The following CACNB2 variants were observed in gnomAD, a reference collection of about 807,000 sequenced individuals.
CACNB2 encodes calcium voltage-gated channel auxiliary subunit beta 2, also known as voltage-dependent L-type calcium channel subunit beta-2.
Under a neutral mutation model 73.3 loss-of-function variants are expected in CACNB2, and 42 were observed. That is an observed-to-expected ratio of 0.57 (90% CI 0.45 to 0.74). The LOEUF is 0.74. Among genes scored for constraint, CACNB2 ranks in the 30% least tolerant of loss-of-function variants. The pLI is 0.00. For synonymous variants in CACNB2, 348 were observed against 310.3 expected (o/e 1.12, Z -1.28); for missense variants, 940 against 853.0 (o/e 1.10, Z -1.27).
chr10:18,242,843 C>G (rs1412812488), intron 2 of CACNB2, among the ~76,000 whole-genome samples: 1 of 137,178 alleles, frequency 7.3e-6, no homozygotes, highest in Non-Finnish European at 1.6e-5. Context: ...AAAAAAAAAC[C>G]AAAAAAACAA....
intron 9 of CACNB2, among the ~76,000 whole-genome samples, chr10:18,521,276 C>A (rs1490900630): frequency 6.6e-6 from 1 of 152,236 alleles, no homozygotes; most frequent in Admixed American, 6.5e-5. Flanking sequence ...AGGACATCCA[C>A]ACCTGGAAGA....
At chr10:18,381,719 T>C (rs2043027759) in intron 2 of CACNB2, among the ~76,000 whole-genome samples, 2 of 151,158 alleles carry the variant, frequency 1.3e-5, no homozygotes, top group Admixed American at 6.6e-5. Flanking sequence ...TTCATTTTAA[T>C]GTAACTTAGT....
rs756678637 is a variant in CACNB2 at position 18,150,853 on chromosome 10, G to GTATTTTTTTTTTTTTTTTT, written c.121-29_121-28insATTTTTTTTTTTTTTTTTT. 7 of 655,474 alleles carry GTATTTTTTTTTTTTTTTTT rather than the reference G, an allele frequency of 1.1e-5. 1 individual carries two copies. The African/African-American group carries it at 1.3e-4, about 12-fold the overall frequency. The allele number at this position is 655,474 out of a possible 1,614,324, so 40.6% of individuals were successfully genotyped here. On this transcript the variant is annotated intron_variant, in intron 1 of 13. Transcript: ENST00000324631. ...AAAGGGTCTCATAATAATCTTATTT[G>GTATTTTTTTTTTTTTTTTT]TCTTTTTTTTTTTTTTTTTTTTTTT...
intron 2 of CACNB2, among the ~76,000 whole-genome samples, chr10:18,257,936 G>T (rs900327608): frequency 6.6e-6 from 1 of 152,118 alleles, no homozygotes; most frequent in African/African-American, 2.4e-5. Flanking sequence ...TAGAGACGAG[G>T]TTTCGTCATG....
At chr10:18,394,352 GC>G (rs1363546173) in intron 2 of CACNB2, among the ~76,000 whole-genome samples, 3 of 152,148 alleles carry the variant, frequency 2.0e-5, no homozygotes, top group East Asian at 1.9e-4. Context: ...CTATCACGAT[GC>G]CTTTATGATC....
chr10:18,147,947 G>A (rs1245758890), intron 1 of CACNB2, among the ~76,000 whole-genome samples: 1 of 151,978 alleles, frequency 6.6e-6, no homozygotes, highest in Non-Finnish European at 1.5e-5. Flanking sequence ...TGTAATAGCA[G>A]GATGAATTTT....
chr10:18,524,654 T>TGA (rs1826091450), intron 9 of CACNB2, among the ~76,000 whole-genome samples: 1 of 116,900 alleles, frequency 8.6e-6, no homozygotes, highest in Non-Finnish European at 1.7e-5. Flanking sequence ...GACTCTATCT[T>TGA]AAAAAAAAAA....
intron 2 of CACNB2, among the ~76,000 whole-genome samples, chr10:18,308,498 C>G (rs1312443253): frequency 2.0e-5 from 3 of 152,160 alleles, no homozygotes; most frequent in Non-Finnish European, 2.9e-5. Flanking sequence ...TGTCTGTGTT[C>G]CCATTGTAGT....
intron 2 of CACNB2, chr10:18,401,011 G>C (rs763518752): frequency 2.5e-6 from 4 of 1,613,916 alleles, no homozygotes; most frequent in African/African-American, 2.7e-5. Flanking sequence ...AGCTGCGGAC[G>C]ATAAAGGCGC....
At chr10:18,169,226 A>G (rs958215910) in intron 2 of CACNB2, among the ~76,000 whole-genome samples, 13 of 152,266 alleles carry the variant, frequency 8.5e-5, no homozygotes, top group African/African-American at 3.1e-4. Flanking sequence ...TTTAAAGATG[A>G]TCAGAAGTCA....
intron 2 of CACNB2, among the ~76,000 whole-genome samples, chr10:18,259,523 G>T (rs1409996403): frequency 7.3e-6 from 1 of 136,664 alleles, no homozygotes. Flanking sequence ...TGGCCAACAT[G>T]GTGAAACTCC....
intron 2 of CACNB2, among the ~76,000 whole-genome samples, chr10:18,180,692 C>T (rs2033826921): frequency 1.3e-5 from 2 of 152,214 alleles, no homozygotes; most frequent in East Asian, 1.9e-4. Flanking sequence ...AGAGGCCAGG[C>T]GCGGTGGCTC....
At chr10:18,430,144 A>C (rs200577847) in intron 3 of CACNB2, among the ~76,000 whole-genome samples, 13 of 115,046 alleles carry the variant, frequency 1.1e-4, no homozygotes, top group African/African-American at 4.3e-4. Flanking sequence ...AAAAAAAAAA[A>C]GGGACATATT....
intron 2 of CACNB2, among the ~76,000 whole-genome samples, chr10:18,367,930 TAAGAAACGAACCTATGTTA>T (rs1450948945): frequency 6.6e-6 from 1 of 152,206 alleles, no homozygotes; most frequent in African/African-American, 2.4e-5. Context: ...GTTTGACTGT[TAAGAAACGAACCTATGTTA>T]AAGAATATAT....
intron 3 of CACNB2, among the ~76,000 whole-genome samples, chr10:18,487,049 G>C (rs538309681): frequency 6.6e-6 from 1 of 152,184 alleles, no homozygotes; most frequent in South Asian, 2.1e-4. Context: ...GCTTGAGAAG[G>C]CGCTGTCTGC....
intron 2 of CACNB2, among the ~76,000 whole-genome samples, chr10:18,272,188 G>A (rs566746296): frequency 3.3e-5 from 5 of 152,160 alleles, no homozygotes; most frequent in Admixed American, 1.3e-4. Context: ...ATAGCTATTC[G>A]AAAGAGTGGA....
At chr10:18,377,285 A>T (rs1453826740) in intron 2 of CACNB2, among the ~76,000 whole-genome samples, 1 of 152,218 alleles carries the variant, frequency 6.6e-6, no homozygotes, top group Admixed American at 6.5e-5. Flanking sequence ...AGAAAGAAGA[A>T]TTGGAGTAAG....
At chr10:18,385,598 G>A (rs936689125) in intron 2 of CACNB2, among the ~76,000 whole-genome samples, 2 of 141,588 alleles carry the variant, frequency 1.4e-5, no homozygotes, top group African/African-American at 2.6e-5. Flanking sequence ...AGCCGAGATC[G>A]TGCCACTGCA....
chr10:18,496,412 C>A (rs1462580321), intron 3 of CACNB2, among the ~76,000 whole-genome samples: 1 of 152,168 alleles, frequency 6.6e-6, no homozygotes, highest in Non-Finnish European at 1.5e-5. Flanking sequence ...AAAATGGGTT[C>A]TCTCTACTCC....
Sources: allele counts gnomAD v4.1 joint callset (sites outside exome capture counted in the v4.1 genomes callset), GRCh38; gene constraint gnomAD v4.1.1; transcripts MANE v1.5; gene names NCBI Gene and HGNC (gene_info 2026-07-23, HGNC 2026-07-21).